Variants in SND1 observed in about 807,000 individuals in gnomAD.
SND1 encodes the protein staphylococcal nuclease domain-containing protein 1.
A neutral mutation model predicts 121.7 loss-of-function variants in SND1; 38 were observed. The observed-to-expected ratio is 0.31, with a 90% CI of 0.24 to 0.41. The LOEUF (loss-of-function observed/expected upper bound fraction) is 0.41, where lower values mean the gene tolerates loss of function less well. SND1 is among the 10% of genes least tolerant of loss of function. The pLI, the probability that SND1 is intolerant of heterozygous loss-of-function variation, is 1.00. For synonymous variants in SND1, 401 were observed against 447.4 expected (o/e 0.90, Z 1.31); for missense variants, 868 against 1,184.6 (o/e 0.73, Z 3.92).
At chr7:128,032,521 G>GCTCT (rs1792657527) in intron 16 of SND1, among the ~76,000 whole-genome samples, 1 of 151,182 alleles carries the variant, frequency 6.6e-6, no homozygotes, top group African/African-American at 2.4e-5. Context: ...CGGCGGGAGA[G>GCTCT]CCCGCGCCGG....
At chr7:127,889,203 A>AAACTACGTAGTT (rs1799964524) in intron 13 of SND1, among the ~76,000 whole-genome samples, 2 of 152,066 alleles carry the variant, frequency 1.3e-5, no homozygotes, top group Non-Finnish European at 2.9e-5. Flanking sequence ...ATTAATGGTC[A>AAACTACGTAGTT]TTTAAAATAC....
chr7:127,911,507 G>A (rs1800454664), intron 14 of SND1, among the ~76,000 whole-genome samples: 1 of 152,038 alleles, frequency 6.6e-6, no homozygotes, highest in East Asian at 1.9e-4. Context: ...ACCATGGCTG[G>A]CCTCTTTTCT....
intron 11 of SND1, among the ~76,000 whole-genome samples, chr7:127,828,384 C>A (rs893823805): frequency 1.3e-5 from 2 of 151,946 alleles, no homozygotes; most frequent in African/African-American, 2.4e-5. Context: ...AGTGGTGGGG[C>A]TTTGGATCAT....
At chr7:128,050,278 A>G (rs1265626050) in intron 16 of SND1, among the ~76,000 whole-genome samples, 1 of 152,168 alleles carries the variant, frequency 6.6e-6, no homozygotes. Flanking sequence ...TCTTTAATGC[A>G]TGTTTATGTC....
In SND1 at chr7:128,085,888, G is replaced by A; in HGVS notation, c.2304+108G>A. On this transcript the variant is annotated intron_variant, in intron 20 of 23. Coordinates refer to ENST00000354725, the MANE Select transcript of SND1 (RefSeq NM_014390.4). This position sits in a 1 kb window ranked among gnomAD's most constrained non-coding sequence, Gnocchi z 4.4. ...CCTCTGAGCTTACCAATAGAACAATGAGCATTGGGGCATCTCTGCTGTGCG... is the reference window on the plus strand; with the variant it reads ...CCTCTGAGCTTACCAATAGAACAATAAGCATTGGGGCATCTCTGCTGTGCG... 5.3e-6 allele frequency: 5 copies of A among 942,490 alleles called. No individual in the cohort carries two copies. The highest frequency in any genetic ancestry group is 8.4e-6 in the Non-Finnish European group (5 of 592,420). 58.4% of individuals were successfully genotyped at this position (942,490 alleles called of 1,614,324 possible). A position where few individuals can be genotyped will look rare whatever the true frequency, so the allele number is the denominator to read the frequency against.
chr7:127,958,376 T>C (rs1801649264), intron 15 of SND1, among the ~76,000 whole-genome samples: 1 of 152,214 alleles, frequency 6.6e-6, no homozygotes, highest in Non-Finnish European at 1.5e-5. Flanking sequence ...ATTTTGCTGG[T>C]GAGGAAACTT....
At chr7:127,863,753 T>C (rs1476154387) in intron 12 of SND1, among the ~76,000 whole-genome samples, 1 of 152,148 alleles carries the variant, frequency 6.6e-6, no homozygotes, top group Non-Finnish European at 1.5e-5. Flanking sequence ...AGATGGTAAA[T>C]ATTTTCAGCT....
intron 3 of SND1, among the ~76,000 whole-genome samples, chr7:127,698,209 G>C (rs1796041052): frequency 6.6e-6 from 1 of 152,158 alleles, no homozygotes; most frequent in Non-Finnish European, 1.5e-5. Context: ...TTTGTCAAAT[G>C]GTGTAGCTTG....
intron 15 of SND1, among the ~76,000 whole-genome samples, chr7:127,981,310 A>G (rs1036930406): frequency 6.6e-6 from 1 of 152,194 alleles, no homozygotes; most frequent in African/African-American, 2.4e-5. Context: ...GGTCTCTCCC[A>G]TGCCCAGTTG....
chr7:127,904,847 G>A, intron 14 of SND1, 28 bp downstream of exon 14: 1 of 1,405,150 alleles, frequency 7.1e-7, no homozygotes, highest in South Asian at 1.2e-5. Flanking sequence ...ATCAAGCTGT[G>A]TGGCTCAGAG....
At chr7:127,981,802 G>T (rs1802268899) in intron 15 of SND1, among the ~76,000 whole-genome samples, 1 of 152,090 alleles carries the variant, frequency 6.6e-6, no homozygotes, top group Admixed American at 6.6e-5. Flanking sequence ...TCTTCCACTG[G>T]CTGTGGTCAA....
At chr7:127,957,594 A>G (rs553930593) in intron 15 of SND1, among the ~76,000 whole-genome samples, 18 of 152,368 alleles carry the variant, frequency 1.2e-4, no homozygotes, top group Non-Finnish European at 2.5e-4. Context: ...AGCCTTGGCT[A>G]TACAGTACAT....
chr7:127,805,292 A>G (rs187136439), intron 10 of SND1, among the ~76,000 whole-genome samples: 1 of 152,310 alleles, frequency 6.6e-6, no homozygotes, highest in East Asian at 1.9e-4. Context: ...CCCATTAGAC[A>G]GTGATCATGA....
rs140101016 is a variant in SND1 at position 128,052,662 on chromosome 7, G to A, written c.1780-21840G>A. On this transcript the variant is annotated intron_variant, in intron 16 of 23. Transcript: ENST00000354725. This position sits in a 1 kb window ranked among gnomAD's most constrained non-coding sequence, Gnocchi z 4.6. ...ACAGCTGCATACCAGGCTGTTTGCT[G>A]AACACAACTCGTCCGTCAAGGGAAA... Among the ~76,000 whole-genome samples, 50 of 152,310 alleles carry A rather than the reference G, an allele frequency of 3.3e-4. No individual in the cohort carries two copies. The highest frequency in any genetic ancestry group is 1.0e-3 in the African/African-American group (42 of 41,558).
At position 128,085,834 on chromosome 7, in the gene SND1, A is replaced by G; in HGVS notation, c.2304+54A>G. 6.9e-7 allele frequency: 1 copy of G among 1,442,898 alleles called. No individual in the cohort carries two copies. The highest frequency in any genetic ancestry group is 9.8e-7 in the Non-Finnish European group (1 of 1,024,920). 89.4% of individuals were successfully genotyped at this position (1,442,898 alleles called of 1,614,324 possible). On this transcript the variant is annotated intron_variant, in intron 20 of 23. Coordinates refer to ENST00000354725, the MANE Select transcript of SND1 (RefSeq NM_014390.4). The surrounding 1 kb of genome is among the most constrained non-coding windows in gnomAD (Gnocchi z 4.4). ...GGGCTATCAAACACAGCAGCCCCCG[A>G]GTCAAATCCATCTGATCTCTCCAAG...
intron 1 of SND1, among the ~76,000 whole-genome samples, chr7:127,662,408 T>A (rs1394778575): frequency 2.6e-5 from 4 of 152,218 alleles, no homozygotes; most frequent in Non-Finnish European, 4.4e-5. Flanking sequence ...ATTTTTCTGT[T>A]GATATATGTT....
intron 10 of SND1, among the ~76,000 whole-genome samples, chr7:127,804,549 C>G (rs536594376): frequency 6.6e-6 from 1 of 152,034 alleles, no homozygotes; most frequent in Admixed American, 6.6e-5. Context: ...TGTTTCTTAC[C>G]TTTTATTCCT....
chr7:127,770,648 A>G (rs1033737210), intron 10 of SND1, among the ~76,000 whole-genome samples: 5 of 152,190 alleles, frequency 3.3e-5, no homozygotes, highest in African/African-American at 1.2e-4. Context: ...CTGTACTTGT[A>G]ACCACTATGC....
chr7:127,667,380 G>A (rs1018139662), intron 1 of SND1, among the ~76,000 whole-genome samples: 2 of 152,086 alleles, frequency 1.3e-5, no homozygotes, highest in African/African-American at 4.8e-5. Context: ...AGTTGTATCT[G>A]GTATACAGGT....
Sources: allele counts gnomAD v4.1 joint callset (sites outside exome capture counted in the v4.1 genomes callset), GRCh38; gene constraint gnomAD v4.1.1; non-coding constraint Gnocchi (gnomAD v3.1); transcripts MANE v1.5; gene names NCBI Gene and HGNC (gene_info 2026-07-23, HGNC 2026-07-21).